Variants in CSMD1 observed in about 807,000 individuals in gnomAD.
The protein encoded by CSMD1 is CUB and sushi domain-containing protein 1.
CSMD1 carries 213 observed loss-of-function variants against 417.5 expected under a neutral mutation model. The ratio of observed to expected loss-of-function variants is 0.51; its 90% CI spans 0.46 to 0.57. CSMD1 has a LOEUF of 0.57. Ranked by LOEUF, CSMD1 falls within the 20% of genes least tolerant of loss-of-function variation. The pLI, the probability that CSMD1 is intolerant of heterozygous loss-of-function variation, is 0.00. For missense variants in CSMD1, 6,923 were observed against 4,529.7 expected (o/e 1.53, Z -15.17); for synonymous variants, 2,862 against 1,736.8 (o/e 1.65, Z -16.11).
At chr8:4,213,064 G>C (rs967316948) in intron 3 of CSMD1, among the ~76,000 whole-genome samples, 16 of 152,064 alleles carry the variant, frequency 1.1e-4, no homozygotes, top group African/African-American at 3.6e-4. Context: ...AGGTCACTTT[G>C]AGCTAATGTC....
At chr8:3,802,400 T>A (rs544827845) in intron 5 of CSMD1, among the ~76,000 whole-genome samples, 1 of 152,306 alleles carries the variant, frequency 6.6e-6, no homozygotes, top group Admixed American at 6.5e-5. Context: ...CAATGTTGCA[T>A]CATTTTCAAA....
rs60310743 is a variant in CSMD1, at chr8:4,364,803, C to T, written c.415+55150G>A. ...TCCCGCCACTGCACTCCAGCCTGCG[C>T]GACAGAGCGAGACTCCTTCTCAAAA... On this transcript the variant is annotated intron_variant, in intron 3 of 69. Transcript: ENST00000635120. Among the ~76,000 whole-genome samples the T allele has an allele frequency of 1.9e-3, 23 of 12,342 alleles. 7 individuals carry two copies. In the East Asian group the frequency reaches 0.042, roughly 23 times the overall value. 8.1% of individuals were successfully genotyped at this position (12,342 alleles called of 152,430 possible).
intron 12 of CSMD1, among the ~76,000 whole-genome samples, chr8:3,426,352 A>T (rs1196373736): frequency 2.0e-5 from 3 of 152,206 alleles, no homozygotes; most frequent in African/African-American, 7.2e-5. Context: ...GACAGTGATC[A>T]TGAGACTCAT....
At chr8:4,565,631 A>C (rs1798560169) in intron 2 of CSMD1, among the ~76,000 whole-genome samples, 2 of 151,572 alleles carry the variant, frequency 1.3e-5, no homozygotes, top group African/African-American at 2.4e-5. Flanking sequence ...GCTACTCAGG[A>C]GGCTGAAGCA....
At chr8:4,156,351 T>C (rs775041143) in intron 3 of CSMD1, among the ~76,000 whole-genome samples, 1 of 152,148 alleles carries the variant, frequency 6.6e-6, no homozygotes, top group Non-Finnish European at 1.5e-5. Flanking sequence ...TCTCTCTGGT[T>C]TTGATAAAAC....
chr8:4,167,062 G>A (rs551272038), intron 3 of CSMD1, among the ~76,000 whole-genome samples: 1 of 151,932 alleles, frequency 6.6e-6, no homozygotes, highest in Non-Finnish European at 1.5e-5. Context: ...AAACGGGGAG[G>A]AGAAAAAAAC....
At chr8:4,427,700 C>G (rs941939447) in intron 2 of CSMD1, among the ~76,000 whole-genome samples, 1 of 152,078 alleles carries the variant, frequency 6.6e-6, no homozygotes, top group African/African-American at 2.4e-5. Flanking sequence ...ATGTATTTTT[C>G]TGTTCTATTC....
At chr8:4,261,237 T>C (rs749329325) in intron 3 of CSMD1, among the ~76,000 whole-genome samples, 2 of 152,188 alleles carry the variant, frequency 1.3e-5, no homozygotes, top group African/African-American at 2.4e-5. Flanking sequence ...CTGAATCTTG[T>C]GTAGTAGACT....
chr8:4,513,795 G>A (rs1371942167), intron 2 of CSMD1, among the ~76,000 whole-genome samples: 1 of 152,080 alleles, frequency 6.6e-6, no homozygotes, highest in African/African-American at 2.4e-5. Context: ...GTACAGCTGG[G>A]GAATATTACT....
At chr8:4,764,889 A>AACAAAACAAAC (rs1554473657) in intron 1 of CSMD1, among the ~76,000 whole-genome samples, 2 of 39,994 alleles carry the variant, frequency 5.0e-5, no homozygotes, top group African/African-American at 1.9e-4. Context: ...AAAAAAAAAA[A>AACAAAACAAAC]AAAAACAACA....
intron 3 of CSMD1, among the ~76,000 whole-genome samples, chr8:4,068,003 G>C (rs1032670661): frequency 6.6e-6 from 1 of 152,078 alleles, no homozygotes; most frequent in African/African-American, 2.4e-5. Flanking sequence ...CCTGAACCCT[G>C]AGTGGGGGCG....
At chr8:4,832,426 G>A (rs976145113) in intron 1 of CSMD1, among the ~76,000 whole-genome samples, 2 of 152,196 alleles carry the variant, frequency 1.3e-5, no homozygotes, top group African/African-American at 4.8e-5. Context: ...GCATCAGGAA[G>A]ACTTTGGAGA....
chr8:3,795,061 G>C (rs1799969733), intron 5 of CSMD1, among the ~76,000 whole-genome samples: 2 of 116,872 alleles, frequency 1.7e-5, no homozygotes, highest in Non-Finnish European at 3.6e-5. Context: ...TATAGCTATA[G>C]ATATATATCT....
At chr8:3,149,549 C>T (rs527623970) in intron 40 of CSMD1, among the ~76,000 whole-genome samples, 1 of 152,190 alleles carries the variant, frequency 6.6e-6, no homozygotes, top group Non-Finnish European at 1.5e-5. Flanking sequence ...GTGATCGTGG[C>T]TCACTGCAAC....
intron 10 of CSMD1, among the ~76,000 whole-genome samples, chr8:3,540,831 G>A (rs779254640): frequency 2.0e-5 from 3 of 152,142 alleles, no homozygotes; most frequent in Non-Finnish European, 4.4e-5. Context: ...ACCACAATGA[G>A]ATCATTTCAT....
At chr8:3,520,485 CAAAAT>C (rs1490116342) in intron 10 of CSMD1, among the ~76,000 whole-genome samples, 2 of 152,084 alleles carry the variant, frequency 1.3e-5, no homozygotes, top group Non-Finnish European at 1.5e-5. Flanking sequence ...CTGTAGTCAA[CAAAAT>C]AAAATGTTTA....
intron 3 of CSMD1, among the ~76,000 whole-genome samples, chr8:4,155,433 G>C (rs113666397): frequency 6.6e-6 from 1 of 152,144 alleles, no homozygotes; most frequent in South Asian, 2.1e-4. Flanking sequence ...TGTTTGGCAG[G>C]AACCTTGTTT....
intron 3 of CSMD1, among the ~76,000 whole-genome samples, chr8:4,181,071 G>T (rs547691184): frequency 1.1e-4 from 17 of 152,090 alleles, no homozygotes; most frequent in Admixed American, 6.5e-4. Context: ...TATGAAAATA[G>T]GACAACAGAC....
At chr8:2,990,296 C>G (rs568371284) in intron 54 of CSMD1, among the ~76,000 whole-genome samples, 1 of 152,276 alleles carries the variant, frequency 6.6e-6, no homozygotes, top group Admixed American at 6.5e-5. Flanking sequence ...TTCATGTATT[C>G]CTCTGAGAAC....
Sources: gnomAD v4.1 joint callset for allele counts (sites outside exome capture counted in the v4.1 genomes callset) on GRCh38, gnomAD v4.1.1 for gene constraint, MANE v1.5 for transcripts, NCBI Gene and HGNC (gene_info 2026-07-23, HGNC 2026-07-21) for gene names.